Variants in NFASC observed in about 807,000 individuals in gnomAD.
NFASC encodes neurofascin, also known as neurofascin homolog.
A neutral mutation model predicts 147.5 loss-of-function variants in NFASC; 43 were observed. That is an observed-to-expected ratio of 0.29 (90% CI 0.23 to 0.38). The LOEUF is 0.38. Ranked by LOEUF, NFASC falls within the 10% of genes least tolerant of loss-of-function variation. The pLI, the probability that NFASC is intolerant of heterozygous loss-of-function variation, is 1.00. For missense variants in NFASC, 1,320 were observed against 1,689.0 expected, an observed-to-expected ratio of 0.78 and a Z score of 3.83; for synonymous variants, 622 against 665.5, an observed-to-expected ratio of 0.93 and a Z score of 1.01.
At chr1:204,891,531 C>T (rs1404257049) in intron 1 of NFASC, among the ~76,000 whole-genome samples, 9 of 152,164 alleles carry the variant, frequency 5.9e-5, no homozygotes, top group Non-Finnish European at 2.9e-5. Context: ...AGGCATACGT[C>T]GTGGCACTGT....
chr1:204,930,219 G>A (rs1216975715), intron 2 of NFASC, among the ~76,000 whole-genome samples: 1 of 152,180 alleles, frequency 6.6e-6, no homozygotes, highest in South Asian at 2.1e-4. Context: ...GTGACATTGA[G>A]TGTGGCCCTG....
chr1:204,906,248 A>G (rs2085829164), intron 1 of NFASC, among the ~76,000 whole-genome samples: 1 of 152,200 alleles, frequency 6.6e-6, no homozygotes, highest in Non-Finnish European at 1.5e-5. Flanking sequence ...CACCCTTGCT[A>G]GGTGTATAGT....
At chr1:204,984,355 A>ATG (rs1205079725) in intron 21 of NFASC, 32 of 253,848 alleles carry the variant, frequency 1.3e-4, no homozygotes, top group African/African-American at 7.6e-4. Context: ...GTATATATAT[A>ATG]TATGTGTGTG....
At chr1:205,014,451 G>A (rs2096309614) in intron 29 of NFASC, among the ~76,000 whole-genome samples, 1 of 152,232 alleles carries the variant, frequency 6.6e-6, no homozygotes, top group South Asian at 2.1e-4. Context: ...GGCGAGGAGT[G>A]CTGTTCTCTC....
chr1:204,975,290 G>A lies in NFASC; in HGVS notation c.1578G>A (p.Arg526=), dbSNP rs1288914949. ...LEVKDPTRIY[R]MPEDQVARRG... Reference sequence around the variant, plus strand: ...CCACAGACCCCACCAGGATCTACCGGATGCCCGAGGACCAGGTGGCCAGAA... The same window carrying A: ...CCACAGACCCCACCAGGATCTACCGAATGCCCGAGGACCAGGTGGCCAGAA... The change falls in exon 15 of 30, where the codon CGG becomes CGA. Residue 526 remains arginine, a synonymous_variant. Transcript: ENST00000339876. This position sits in a 1 kb window ranked among gnomAD's most constrained non-coding sequence, Gnocchi z 4.0. The A allele has an allele frequency of 1.2e-6, 2 of 1,613,314 alleles. No individual in the cohort carries two copies. Among genetic ancestry groups the A allele is most frequent in the East Asian group, 2.2e-5 (1 of 44,836 alleles).
chr1:204,951,960 C>A lies in NFASC; in HGVS notation c.110-51C>A, dbSNP rs1194875215. 5 of 1,488,562 alleles carry A rather than the reference C, an allele frequency of 3.4e-6. No individual in the cohort carries two copies. The Admixed American group carries it at 5.1e-5, about 15-fold the overall frequency. 92.2% of individuals were successfully genotyped at this position (1,488,562 alleles called of 1,614,324 possible). ...CATCTCAGCTGTTCCCCAAGCTGGA[C>A]CCCAGGGAGGTCCCTGCAGCCCTGA... On this transcript the variant is annotated intron_variant, in intron 4 of 29. Coordinates refer to ENST00000339876, the MANE Select transcript of NFASC (RefSeq NM_001005388.3).
intron 1 of NFASC, chr1:204,871,034 G>A (rs754101284): frequency 7.0e-6 from 9 of 1,289,680 alleles, no homozygotes; most frequent in East Asian, 5.5e-5. Context: ...CTGAGAAGAC[G>A]CTGGATGAAC....
rs755386147 is a variant in NFASC, at chr1:204,970,711, A to T, written c.1099A>T (p.Thr367Ser). 1 of 1,614,060 alleles carries T rather than the reference A, an allele frequency of 6.2e-7. No homozygotes were observed. The highest frequency in any genetic ancestry group is 1.7e-5 in the Admixed American group (1 of 60,016). Reference protein sequence around the residue: ...VCRANGNPKPTVQWMVNGEPL... With the variant: ...VCRANGNPKPSVQWMVNGEPL... ...TCGAGCCAATGGAAACCCCAAACCCACTGTCCAGTGGATGGTGAATGGGGA... is the reference window on the plus strand; with the variant it reads ...TCGAGCCAATGGAAACCCCAAACCCTCTGTCCAGTGGATGGTGAATGGGGA... Residue 367 changes from threonine to serine, a missense_variant, in exon 11 of 30, where the codon ACT (threonine) becomes TCT (serine). By Grantham distance (58) the Thr-to-Ser change is moderately conservative (BLOSUM62 1). Around this residue, in one of 3 missense-constraint regions of NFASC, gnomAD observed 981 missense variants for 1,289.5 expected, o/e 0.76. Transcript: ENST00000339876.
At chr1:204,941,818 A>G (rs1026390891) in intron 2 of NFASC, among the ~76,000 whole-genome samples, 6 of 152,172 alleles carry the variant, frequency 3.9e-5, no homozygotes, top group African/African-American at 1.2e-4. Context: ...TTTCCTCTCC[A>G]GAGAGCACCG....
Position 205,015,182 on chromosome 1 carries a change from C to T in NFASC, c.3492-1126C>T, listed in dbSNP as rs897912213. On this transcript the variant is annotated intron_variant, in intron 29 of 29. Coordinates refer to ENST00000339876, the MANE Select transcript of NFASC (RefSeq NM_001005388.3). The surrounding 1 kb of genome is among the most constrained non-coding windows in gnomAD (Gnocchi z 4.0). ...TAATGGCAACTCAGCTGGTTGTCTT[C>T]CCCACGTCCAGGAAGGACTGGGGGT... Among the ~76,000 whole-genome samples, 6 of 152,218 alleles carry T rather than the reference C, an allele frequency of 3.9e-5. No homozygotes were observed. The highest frequency in any genetic ancestry group is 1.4e-4 in the African/African-American group (6 of 41,464).
intron 1 of NFASC, among the ~76,000 whole-genome samples, chr1:204,871,896 C>A (rs538385057): frequency 2.7e-4 from 41 of 152,280 alleles, no homozygotes; most frequent in African/African-American, 9.6e-4. Flanking sequence ...GTCAAGACAG[C>A]TCTGTCTACA....
intron 20 of NFASC, 78 bp from the exon 21 acceptor site, chr1:204,981,720 C>T: frequency 1.1e-6 from 1 of 949,254 alleles, no homozygotes; most frequent in Non-Finnish European, 1.6e-6. Flanking sequence ...ATGCCTGGCA[C>T]AGCAAGAGAG....
At chr1:204,903,759 A>G (rs2085170111) in intron 1 of NFASC, among the ~76,000 whole-genome samples, 1 of 152,238 alleles carries the variant, frequency 6.6e-6, no homozygotes, top group Non-Finnish European at 1.5e-5. Flanking sequence ...AAACAAAGAC[A>G]TATTGAACAT....
intron 1 of NFASC, among the ~76,000 whole-genome samples, chr1:204,865,071 A>T (rs926592627): frequency 6.6e-6 from 1 of 152,182 alleles, no homozygotes; most frequent in African/African-American, 2.4e-5. Flanking sequence ...TTTAGCACTC[A>T]TATTTGGGTT....
chr1:204,969,098 C>T (rs1433601464), intron 10 of NFASC, 116 bp downstream of exon 10: 2 of 905,886 alleles, frequency 2.2e-6, no homozygotes. Flanking sequence ...CAGCCCACTG[C>T]TCAGTGGCAA....
Position 204,968,875 on chromosome 1 carries a change from A to C in NFASC, c.896A>C (p.Lys299Thr), listed in dbSNP as rs767259736. 1.9e-6 allele frequency: 3 copies of C among 1,613,916 alleles called. No homozygotes were observed. The highest frequency in any genetic ancestry group is 2.5e-6 in the Non-Finnish European group (3 of 1,180,002). Residue 299 changes from lysine to threonine, a missense_variant, in exon 10 of 30, where the codon AAG becomes ACG. Lys to Thr is a moderately conservative substitution (Grantham distance 78). Coordinates refer to ENST00000339876, the MANE Select transcript of NFASC (RefSeq NM_001005388.3). This position sits in a 1 kb window ranked among gnomAD's most constrained non-coding sequence, Gnocchi z 5.4. ...SDKAKFENFN[K>T]ALRITNVSEE... ...AAGGCCAAGTTTGAGAACTTTAATAAGGCCCTGCGTATCACAAATGTCTCT... is the reference window on the plus strand; with the variant it reads ...AAGGCCAAGTTTGAGAACTTTAATACGGCCCTGCGTATCACAAATGTCTCT...
In NFASC at chr1:205,010,133, T is replaced by C; in HGVS notation, c.3421+445T>C. 5.4e-6 allele frequency: 1 copy of C among 185,930 alleles called. No individual in the cohort carries two copies. Among genetic ancestry groups the C allele is most frequent in the Non-Finnish European group, 1.1e-5 (1 of 87,576 alleles). The allele number at this position is 185,930 out of a possible 1,614,324, so 11.5% of individuals were successfully genotyped here. Reference sequence around the variant, plus strand: ...CAGAAGCAGCACCCACATGAGAGAGTTCCAGAGGTGGGCGCTCAGCAGGAC... The same window carrying C: ...CAGAAGCAGCACCCACATGAGAGAGCTCCAGAGGTGGGCGCTCAGCAGGAC... On this transcript the variant is annotated intron_variant, in intron 28 of 29. Transcript: ENST00000339876. This position sits in a 1 kb window ranked among gnomAD's most constrained non-coding sequence, Gnocchi z 4.1.
In NFASC at chr1:204,997,419, G is replaced by T. The variant is rs373407236; in HGVS notation, c.3019+13G>T. The T allele has an allele frequency of 1.9e-5, 30 of 1,551,500 alleles. No individual in the cohort carries two copies. The highest frequency in any genetic ancestry group is 1.1e-4 in the South Asian group (9 of 84,050). On this transcript the variant is annotated intron_variant, in intron 25 of 29. Coordinates refer to ENST00000339876, the MANE Select transcript of NFASC (RefSeq NM_001005388.3). ...ATACACGAATCCGGTACTGCGCATC[G>T]CCCATGCTCCCCATCCCCTCCTGGC...
At chr1:204,872,051 A>C (rs1038730722) in intron 1 of NFASC, among the ~76,000 whole-genome samples, 12 of 152,238 alleles carry the variant, frequency 7.9e-5, no homozygotes, top group Admixed American at 2.6e-4. Flanking sequence ...TTGAAGATTC[A>C]GTGACCGTAC....
Sources: gnomAD v4.1 joint callset for allele counts (sites outside exome capture counted in the v4.1 genomes callset) on GRCh38, gnomAD v4.1.1 for gene constraint, gnomAD v4.1.1 regional missense constraint, Gnocchi (gnomAD v3.1) non-coding constraint, MANE v1.5 for transcripts, NCBI Gene and HGNC (gene_info 2026-07-23, HGNC 2026-07-21) for gene names.